FSTL4: variants seen among roughly 807,000 people sequenced by gnomAD.
The protein encoded by FSTL4 is follistatin-related protein 4.
A neutral mutation model predicts 78.2 loss-of-function variants in FSTL4; 28 were observed. That is an observed-to-expected ratio of 0.36 (90% CI 0.27 to 0.49). FSTL4 has a LOEUF of 0.49. Among genes scored for constraint, FSTL4 ranks in the 20% least tolerant of loss-of-function variants. FSTL4 has a pLI of 0.98. For synonymous variants in FSTL4, 422 were observed against 440.5 expected, an observed-to-expected ratio of 0.96 and a Z score of 0.53; for missense variants, 922 against 1,084.9, an observed-to-expected ratio of 0.85 and a Z score of 2.11.
chr5:133,232,502 G>T (rs1751521493), intron 8 of FSTL4, among the ~76,000 whole-genome samples: 1 of 152,176 alleles, frequency 6.6e-6, no homozygotes, highest in Non-Finnish European at 1.5e-5. Context: ...AGCTAAATTT[G>T]GCTTGAGTTA....
intron 6 of FSTL4, among the ~76,000 whole-genome samples, chr5:133,311,114 C>T (rs529819362): frequency 3.9e-5 from 6 of 152,258 alleles, no homozygotes; most frequent in South Asian, 4.1e-4. Context: ...CAATTTAAAG[C>T]GACCAAGTGT....
At chr5:133,407,364 T>A (rs2126976859) in intron 3 of FSTL4, among the ~76,000 whole-genome samples, 1 of 152,366 alleles carries the variant, frequency 6.6e-6, no homozygotes, top group East Asian at 1.9e-4. Context: ...GCAGATGTGA[T>A]GTATTCTCAG....
At chr5:133,221,913 T>TTTTTTTTTTTTTTTTTTG (rs1751140299) in intron 11 of FSTL4, among the ~76,000 whole-genome samples, 3 of 97,806 alleles carry the variant, frequency 3.1e-5, no homozygotes, top group Admixed American at 1.1e-4. Flanking sequence ...TTTTTTTTTT[T>TTTTTTTTTTTTTTTTTTG]TTTTTTTTTT....
the FSTL4 span, among the ~76,000 whole-genome samples, chr5:133,656,290 C>T: frequency 2.6e-5 from 4 of 152,076 alleles, no homozygotes; most frequent in African/African-American, 9.7e-5. Flanking sequence ...GTATAAAACA[C>T]ATGTCTCTAA....
At chr5:133,666,549 G>T in the FSTL4 span, among the ~76,000 whole-genome samples, 1 of 150,490 alleles carries the variant, frequency 6.6e-6, no homozygotes, top group South Asian at 2.1e-4. Flanking sequence ...TATTTAAAAC[G>T]TTAAAGCTTT....
intron 3 of FSTL4, among the ~76,000 whole-genome samples, chr5:133,475,863 CTCTCACGCGTGT>C (rs1267719147): frequency 3.3e-5 from 5 of 152,288 alleles, no homozygotes; most frequent in African/African-American, 4.8e-5. Flanking sequence ...TGCTACCCTG[CTCTCACGCGTGT>C]GTGAGAGTTC....
intron 3 of FSTL4, among the ~76,000 whole-genome samples, chr5:133,403,435 C>T (rs10062009): frequency 0.57 from 86,802 of 152,078 alleles, 26,327 homozygotes; most frequent in Non-Finnish European, 0.67. Flanking sequence ...AAAGTGCCTG[C>T]CCTGCTCTGG....
chr5:133,713,951 C>T, the FSTL4 span, among the ~76,000 whole-genome samples: 17 of 152,196 alleles, frequency 1.1e-4, no homozygotes, highest in African/African-American at 4.1e-4. Context: ...ACCCTTCTTA[C>T]AGCTAGAACC....
At chr5:133,330,494 T>C (rs1240797812) in intron 4 of FSTL4, among the ~76,000 whole-genome samples, 1 of 152,104 alleles carries the variant, frequency 6.6e-6, no homozygotes, top group Non-Finnish European at 1.5e-5. Flanking sequence ...CTCACTACCG[T>C]GAGGACAGCC....
chr5:133,226,320 C>A (rs1418697629), intron 8 of FSTL4, among the ~76,000 whole-genome samples: 2 of 152,204 alleles, frequency 1.3e-5, no homozygotes, highest in Admixed American at 6.5e-5. Context: ...CACTTCTCAA[C>A]CCCTGGAACA....
At chr5:133,627,224 C>T in the FSTL4 span, among the ~76,000 whole-genome samples, 2 of 142,648 alleles carry the variant, frequency 1.4e-5, no homozygotes, top group African/African-American at 2.6e-5. Flanking sequence ...TAAAGACATT[C>T]CCAAGACTGT....
the FSTL4 span, among the ~76,000 whole-genome samples, chr5:133,790,053 C>A: frequency 1.3e-5 from 2 of 152,190 alleles, no homozygotes; most frequent in Non-Finnish European, 2.9e-5. Flanking sequence ...CTTCTCCATG[C>A]TCTCCACCTC....
the FSTL4 span, among the ~76,000 whole-genome samples, chr5:133,639,841 C>T: frequency 1.3e-5 from 2 of 152,148 alleles, no homozygotes; most frequent in Admixed American, 1.3e-4. Flanking sequence ...TGTCTTCACC[C>T]CACCCAGAGT....
chr5:133,559,504 G>A (rs2112936146), intron 3 of FSTL4, among the ~76,000 whole-genome samples: 1 of 152,306 alleles, frequency 6.6e-6, no homozygotes, highest in South Asian at 2.1e-4. Flanking sequence ...GGATCAGCGT[G>A]CTTCAGGCTG....
At chr5:133,391,445 C>T (rs981429262) in intron 4 of FSTL4, among the ~76,000 whole-genome samples, 7 of 152,156 alleles carry the variant, frequency 4.6e-5, no homozygotes, top group African/African-American at 1.4e-4. Flanking sequence ...CAGCCTCCTG[C>T]GGAGAAGCCT....
intron 2 of FSTL4, among the ~76,000 whole-genome samples, chr5:133,570,809 G>A (rs1030716734): frequency 6.6e-6 from 1 of 152,192 alleles, no homozygotes; most frequent in Non-Finnish European, 1.5e-5. Context: ...CCATTGAGAT[G>A]AGCCCCATAT....
chr5:133,632,991 C>A, the FSTL4 span, among the ~76,000 whole-genome samples: 6 of 152,176 alleles, frequency 3.9e-5, no homozygotes, highest in African/African-American at 1.2e-4. Context: ...CCTGCCCAGC[C>A]TCCACAGTTT....
At chr5:133,393,778 A>T (rs250855) in intron 4 of FSTL4, among the ~76,000 whole-genome samples, 2 of 152,364 alleles carry the variant, frequency 1.3e-5, no homozygotes, top group African/African-American at 4.8e-5. Flanking sequence ...ACAAGGGTCT[A>T]GTTTCCTGAT....
intron 3 of FSTL4, among the ~76,000 whole-genome samples, chr5:133,563,382 C>A (rs1235066076): frequency 6.6e-6 from 1 of 152,204 alleles, no homozygotes; most frequent in Admixed American, 6.5e-5. Flanking sequence ...CAACCACCAC[C>A]CACTAAAGAG....
Sources: gnomAD v4.1 joint callset for allele counts (sites outside exome capture counted in the v4.1 genomes callset) on GRCh38, gnomAD v4.1.1 for gene constraint, MANE v1.5 for transcripts, NCBI Gene and HGNC (gene_info 2026-07-23, HGNC 2026-07-21) for gene names.